MLYCD: variants seen among roughly 807,000 people sequenced by gnomAD.
MLYCD encodes the protein malonyl-CoA decarboxylase, also known as malonyl-CoA decarboxylase, mitochondrial.
MLYCD carries 27 observed loss-of-function variants against 35.8 expected under a neutral mutation model. The observed-to-expected ratio is 0.75, with a 90% CI of 0.56 to 1.04. The LOEUF is 1.04. MLYCD is among the 50% of genes least tolerant of loss of function. The pLI is 0.00. For missense variants in MLYCD, 917 were observed against 665.1 expected, an observed-to-expected ratio of 1.38 and a Z score of -4.17; for synonymous variants, 403 against 302.4, an observed-to-expected ratio of 1.33 and a Z score of -3.45.
intron 1 of MLYCD, among the ~76,000 whole-genome samples, chr16:83,900,102 T>C (rs1280567868): frequency 2.6e-5 from 4 of 152,232 alleles, no homozygotes; most frequent in African/African-American, 4.8e-5. Flanking sequence ...GGGCACCCGC[T>C]ATGTGTGAGA....
In MLYCD at chr16:83,915,576, T is replaced by C; in HGVS notation, c.*87T>C. The C allele has an allele frequency of 6.4e-7, 1 of 1,559,318 alleles. No homozygotes were observed. Among genetic ancestry groups the C allele is most frequent in the Non-Finnish European group, 8.6e-7 (1 of 1,160,500 alleles). ...CGGGAGTTATGTATCTGAAGCAGCTTTCCAAGCAAAGCCAAAGTTGACTGT... is the reference window on the plus strand; with the variant it reads ...CGGGAGTTATGTATCTGAAGCAGCTCTCCAAGCAAAGCCAAAGTTGACTGT... On this transcript the variant is annotated 3_prime_UTR_variant, in exon 5 of 5. Coordinates refer to ENST00000262430, the MANE Select transcript of MLYCD (RefSeq NM_012213.3).
intron 2 of MLYCD, 91 bp downstream of exon 2, chr16:83,907,190 A>G: frequency 9.1e-7 from 1 of 1,092,986 alleles, no homozygotes; most frequent in Non-Finnish European, 1.4e-6. Context: ...ATCTATCTCC[A>G]TTCATATGTA....
chr16:83,899,549 G>A lies in MLYCD; in HGVS notation c.405G>A (p.Pro135=). Residue 135 remains proline (P), a synonymous_variant, in exon 1 of 5, where the codon CCG becomes CCA. Transcript: ENST00000262430. ...ACCGGCTGCGCTACGCGCTGGTGCC[G>A]CGCTATCGCGGCCTCTTCCACCACA... The part of the protein sequence containing the change: ...AEDRLRYALV[P]RYRGLFHHIS... The A allele has an allele frequency of 6.3e-7, 1 of 1,592,574 alleles. No homozygotes were observed. Among genetic ancestry groups the A allele is most frequent in the Admixed American group, 1.7e-5 (1 of 59,730 alleles).
chr16:83,912,320 G>A lies in MLYCD; in HGVS notation c.901G>A (p.Val301Met). The A allele has an allele frequency of 6.2e-7, 1 of 1,614,194 alleles. No individual in the cohort carries two copies. Among genetic ancestry groups the A allele is most frequent in the Non-Finnish European group, 8.5e-7 (1 of 1,180,048 alleles). Residue 301 changes from valine to methionine, a missense_variant, in exon 4 of 5, where the codon GTG (valine) becomes ATG (methionine). Physicochemically the swap from Val to Met is conservative, Grantham distance 21. Transcript: ENST00000262430. ...CTTGACCCAGCAGGGACTCCAAGGG[G>A]TGGAGCTGGGAACATTCCTCATAAA... ...ISLTQQGLQG[V>M]ELGTFLIKRV...
chr16:83,904,206 G>A lies in MLYCD; in HGVS notation c.529-2781G>A, dbSNP rs143641687. Among the ~76,000 whole-genome samples, 26 of 152,238 alleles carry A rather than the reference G, an allele frequency of 1.7e-4. No individual in the cohort carries two copies. The East Asian group carries it at 4.6e-3, about 27-fold the overall frequency. ...AGCTTTTTTCATATCACGAATGTAA[G>A]ACAGATACCAGTACCTCTTACGCAG... On this transcript the variant is annotated intron_variant, in intron 1 of 4. Coordinates refer to ENST00000262430, the MANE Select transcript of MLYCD (RefSeq NM_012213.3).
At position 83,899,298 on chromosome 16, in the gene MLYCD, C is replaced by T. The variant is rs1204612891; in HGVS notation, c.154C>T (p.Pro52Ser). Reference sequence around the variant, plus strand: ...GCTGCGCCGCGCGGTGCCGCCGACGCCGGCCTACGAGCTGCGCGAGAAGAC... The same window carrying T: ...GCTGCGCCGCGCGGTGCCGCCGACGTCGGCCTACGAGCTGCGCGAGAAGAC... Reference protein sequence around the residue: ...ELLRRAVPPTPAYELREKTPA... With the variant: ...ELLRRAVPPTSAYELREKTPA... The change falls in exon 1 of 5, where the codon CCG becomes TCG. Residue 52 changes from proline to serine, a missense_variant. Physicochemically the swap from Pro to Ser is moderately conservative, Grantham distance 74 (BLOSUM62 -1). Transcript: ENST00000262430. 2 of 1,482,484 alleles carry T rather than the reference C, an allele frequency of 1.3e-6. No homozygotes were observed. 91.8% of individuals were successfully genotyped at this position (1,482,484 alleles called of 1,614,324 possible).
rs372566679 is a variant in MLYCD at position 83,909,819 on chromosome 16, GAT to G, written c.798+1538_798+1539del. On this transcript the variant is annotated intron_variant, in intron 3 of 4. Coordinates refer to ENST00000262430, the MANE Select transcript of MLYCD (RefSeq NM_012213.3). ...TTTTTTTTTTTGTATTTTTAGCAGA[GAT>G]GGGATTTCACCATGTTGGCCAGGCT... Among the ~76,000 whole-genome samples, 408 of 150,294 alleles carry G rather than the reference GAT, an allele frequency of 2.7e-3. 2 individuals carry two copies. The highest frequency in any genetic ancestry group is 8.8e-3 in the African/African-American group (360 of 40,842).
At chr16:83,907,459 G>A (rs941789159) in intron 2 of MLYCD, among the ~76,000 whole-genome samples, 73 of 152,258 alleles carry the variant, frequency 4.8e-4, no homozygotes, top group African/African-American at 1.4e-3. Context: ...AATCAAAACA[G>A]TATTTAGCCC....
At chr16:83,904,995 C>CT (rs1906926537) in intron 1 of MLYCD, among the ~76,000 whole-genome samples, 1 of 152,214 alleles carries the variant, frequency 6.6e-6, no homozygotes, top group Non-Finnish European at 1.5e-5. Context: ...GAGACCTCAT[C>CT]TCCTTCCGAA....
chr16:83,910,954 C>T (rs962391089), intron 3 of MLYCD, among the ~76,000 whole-genome samples: 4 of 152,096 alleles, frequency 2.6e-5, no homozygotes, highest in African/African-American at 9.7e-5. Context: ...TGCATAGACT[C>T]ACACATTCCA....
At chr16:83,907,974 A>C (rs1319489136) in intron 2 of MLYCD, 152 bp from the exon 3 acceptor site, 7 of 1,006,638 alleles carry the variant, frequency 7.0e-6, no homozygotes, top group Non-Finnish European at 1.0e-5. Context: ...GCTGTTTCTC[A>C]TGAAAATGAC....
chr16:83,899,738 GC>G (rs1906715041), intron 1 of MLYCD, 66 bp downstream of exon 1: 7 of 1,441,584 alleles, frequency 4.9e-6, no homozygotes, highest in African/African-American at 1.5e-5. Context: ...GTCCTCACTT[GC>G]CCCCTCCAAG....
intron 1 of MLYCD, among the ~76,000 whole-genome samples, chr16:83,906,228 AAG>A (rs1906970259): frequency 6.7e-6 from 1 of 150,268 alleles, no homozygotes; most frequent in Admixed American, 6.7e-5. Context: ...TTCTACAAAA[AAG>A]ACAAAAAAAA....
At chr16:83,910,138 T>G (rs1907123069) in intron 3 of MLYCD, among the ~76,000 whole-genome samples, 1 of 151,832 alleles carries the variant, frequency 6.6e-6, no homozygotes, top group Non-Finnish European at 1.5e-5. Flanking sequence ...TGGAAAGGTG[T>G]TCATCAAAAG....
At position 83,915,959 on chromosome 16, in the gene MLYCD, G is replaced by C. The variant is rs571354037; in HGVS notation, c.*470G>C. 10 of 1,056,178 alleles carry C rather than the reference G, an allele frequency of 9.5e-6. No homozygotes were observed. Among genetic ancestry groups the C allele is most frequent in the Non-Finnish European group, 1.0e-5 (9 of 871,554 alleles). 65.4% of individuals were successfully genotyped at this position (1,056,178 alleles called of 1,614,324 possible). A position where few individuals can be genotyped will look rare whatever the true frequency, so the allele number is the denominator to read the frequency against. ...TAGCCGTTTCTCACCATGCAATGCA[G>C]AGGGACAAAGGGCTGTGCTACACTT... On this transcript the variant is annotated 3_prime_UTR_variant, in exon 5 of 5. Coordinates refer to ENST00000262430, the MANE Select transcript of MLYCD (RefSeq NM_012213.3).
intron 2 of MLYCD, 94 bp downstream of exon 2, chr16:83,907,193 C>T: frequency 2.8e-6 from 3 of 1,071,442 alleles, no homozygotes; most frequent in East Asian, 2.5e-5. Flanking sequence ...TATCTCCATT[C>T]ATATGTACAG....
rs1907731387 is a variant in MLYCD, at chr16:83,924,002, C to G, written c.*8513C>G. The G allele has an allele frequency of 6.6e-6, 1 of 152,274 alleles. No homozygotes were observed. Among genetic ancestry groups the G allele is most frequent in the Non-Finnish European group, 1.5e-5 (1 of 68,110 alleles). The allele number at this position is 152,274 out of a possible 1,614,324, so 9.4% of individuals were successfully genotyped here. A position where few individuals can be genotyped will look rare whatever the true frequency, so the allele number is the denominator to read the frequency against. On this transcript the variant is annotated 3_prime_UTR_variant, in exon 5 of 5. Coordinates refer to ENST00000262430, the MANE Select transcript of MLYCD (RefSeq NM_012213.3). ...AACCCCAGGCTGGGGTGGCTTCTCT[C>G]AAACCCGGGCATGCACAGTGCTGGC...
Position 83,919,381 on chromosome 16 carries a change from CAG to C in MLYCD, c.*3893_*3894del, listed in dbSNP as rs1491406542. On this transcript the variant is annotated 3_prime_UTR_variant, in exon 5 of 5. Coordinates refer to ENST00000262430, the MANE Select transcript of MLYCD (RefSeq NM_012213.3). ...AACACACACAGTGCACAGGAGAACA[CAG>C]TGCACAGGAGAACACACACTGCACA... 1 of 147,472 alleles carries C rather than the reference CAG, an allele frequency of 6.8e-6. No homozygotes were observed. The highest frequency in any genetic ancestry group is 2.0e-4 in the East Asian group (1 of 4,900). The allele number at this position is 147,472 out of a possible 1,614,324, so 9.1% of individuals were successfully genotyped here.
chr16:83,900,370 G>A (rs1342569432), intron 1 of MLYCD, among the ~76,000 whole-genome samples: 4 of 152,176 alleles, frequency 2.6e-5, no homozygotes, highest in African/African-American at 9.7e-5. Flanking sequence ...AGAAGGCCTA[G>A]AGCAACATAT....
Sources: gnomAD v4.1 joint callset for allele counts (sites outside exome capture counted in the v4.1 genomes callset) on GRCh38, gnomAD v4.1.1 for gene constraint, MANE v1.5 for transcripts, NCBI Gene and HGNC (gene_info 2026-07-23, HGNC 2026-07-21) for gene names.